Variants in MEP1A observed in about 807,000 individuals in gnomAD.
The protein encoded by MEP1A is meprin A subunit alpha.
MEP1A carries 68 observed loss-of-function variants against 84.5 expected under a neutral mutation model. The observed-to-expected ratio is 0.80, with a 90% confidence interval of 0.66 to 0.98. MEP1A has a LOEUF of 0.98. MEP1A is among the 50% of genes least tolerant of loss of function. The pLI is 0.00. For synonymous variants in MEP1A, 337 were observed against 336.8 expected, an observed-to-expected ratio of 1.00 and a Z score of -0.01; for missense variants, 887 against 919.9, an observed-to-expected ratio of 0.96 and a Z score of 0.46.
chr6:46,830,844 A>G (rs1201767681), intron 10 of MEP1A, among the ~76,000 whole-genome samples: 3 of 152,202 alleles, frequency 2.0e-5, no homozygotes, highest in South Asian at 2.1e-4. Flanking sequence ...TATAGTTTAT[A>G]TGATAAAAGG....
the MEP1A span, among the ~76,000 whole-genome samples, chr6:46,844,800 G>T: frequency 2.0e-5 from 3 of 152,140 alleles, no homozygotes; most frequent in Admixed American, 2.0e-4. Context: ...AGGTAGATGG[G>T]TGATATGGTT....
Position 46,826,465 on chromosome 6 carries a change from C to G in MEP1A, c.890C>G (p.Ala297Gly). ...TDWAHQDSAQ[A>G]GEVDHTLLGQ... is the part of the protein sequence containing the mutation. ...TGGGCCCATCAGGACAGTGCTCAGG[C>G]TGGAGAAGTGGATCACACCTTGTTG... The change falls in exon 9 of 14, where the codon GCT (alanine) becomes GGT (glycine). Residue 297 changes from alanine to glycine, a missense_variant. Physicochemically the swap from Ala to Gly is moderately conservative, Grantham distance 60. Coordinates refer to ENST00000230588, the MANE Select transcript of MEP1A (RefSeq NM_005588.3). 2 of 1,598,854 alleles carry G rather than the reference C, an allele frequency of 1.3e-6. No homozygotes were observed. The highest frequency in any genetic ancestry group is 8.5e-7 in the Non-Finnish European group (1 of 1,172,532).
At chr6:46,811,999 G>A (rs1767512732) in intron 6 of MEP1A, among the ~76,000 whole-genome samples, 2 of 152,074 alleles carry the variant, frequency 1.3e-5, no homozygotes, top group African/African-American at 2.4e-5. Flanking sequence ...ATGATTTAGG[G>A]AGGATTCCCT....
intron 6 of MEP1A, among the ~76,000 whole-genome samples, chr6:46,812,702 C>T (rs1767534388): frequency 1.3e-5 from 2 of 151,828 alleles, no homozygotes; most frequent in Admixed American, 6.6e-5. Context: ...TTTTTAATTT[C>T]CATCTTGATT....
At chr6:46,794,308 T>C (rs1017931895) in intron 3 of MEP1A, among the ~76,000 whole-genome samples, 4 of 152,262 alleles carry the variant, frequency 2.6e-5, no homozygotes, top group Non-Finnish European at 5.9e-5. Flanking sequence ...GCATTCCCAG[T>C]GTCTTAGGTC....
At chr6:46,842,905 G>T (rs1422914236), downstream of MEP1A, among the ~76,000 whole-genome samples, 1 of 152,126 alleles carries the variant, frequency 6.6e-6, no homozygotes, top group Non-Finnish European at 1.5e-5. Context: ...AACCTACGTT[G>T]AAATATTGGG....
intron 5 of MEP1A, among the ~76,000 whole-genome samples, chr6:46,808,284 G>A (rs1306893482): frequency 6.6e-6 from 1 of 151,962 alleles, no homozygotes; most frequent in East Asian, 1.9e-4. Context: ...ATTGTTATCT[G>A]TGTAGTTTCC....
intron 13 of MEP1A, among the ~76,000 whole-genome samples, chr6:46,838,719 T>C (rs1768272413): frequency 6.6e-6 from 1 of 152,240 alleles, no homozygotes. Context: ...AAACACTTAC[T>C]AACAATGTGA....
chr6:46,829,556 G>GT lies in MEP1A; in HGVS notation c.1130dup (p.Gln378AlafsTer7), dbSNP rs1251370871. On this transcript the variant is annotated frameshift_variant, in exon 10 of 14. Transcript: ENST00000230588. LOFTEE classifies it high-confidence loss of function. ...AGGCAATGTTCGCAAGTTGGTGAAG[G>GT]TGCAGACTTTTCAAGGTACTTAGAG... 6.2e-7 allele frequency: 1 copy of GT among 1,613,968 alleles called. No individual in the cohort carries two copies. Among genetic ancestry groups the GT allele is most frequent in the Non-Finnish European group, 8.5e-7 (1 of 1,179,856 alleles).
At chr6:46,822,672 T>C (rs1767808609) in intron 7 of MEP1A, among the ~76,000 whole-genome samples, 1 of 152,084 alleles carries the variant, frequency 6.6e-6, no homozygotes, top group African/African-American at 2.4e-5. Context: ...GCCTCCTGAA[T>C]AGCTGGGATG....
At chr6:46,832,919 T>C (rs1452481823) in intron 10 of MEP1A, among the ~76,000 whole-genome samples, 155 bp from the exon 11 acceptor site, 1 of 152,224 alleles carries the variant, frequency 6.6e-6, no homozygotes, top group Non-Finnish European at 1.5e-5. Context: ...TTGGAAAAGT[T>C]ACTTAACCAG....
chr6:46,816,253 G>A (rs1377966877), intron 6 of MEP1A, among the ~76,000 whole-genome samples: 2 of 152,014 alleles, frequency 1.3e-5, no homozygotes, highest in Admixed American at 6.6e-5. Flanking sequence ...CACCGCGCCC[G>A]GCCTCATTCT....
At chr6:46,816,197 G>C (rs907154699) in intron 6 of MEP1A, among the ~76,000 whole-genome samples, 3 of 151,854 alleles carry the variant, frequency 2.0e-5, no homozygotes, top group African/African-American at 7.3e-5. Context: ...CTCAACCTCC[G>C]AAAGTGCTGG....
intron 12 of MEP1A, 97 bp from the exon 13 acceptor site, chr6:46,835,152 A>C (rs1768185156): frequency 9.4e-7 from 1 of 1,069,480 alleles, no homozygotes; most frequent in African/African-American, 1.6e-5. Context: ...GGGTGATGGG[A>C]GATAGAAGCA....
At chr6:46,845,375 A>G in the MEP1A span, among the ~76,000 whole-genome samples, 1 of 152,252 alleles carries the variant, frequency 6.6e-6, no homozygotes, top group Non-Finnish European at 1.5e-5. Flanking sequence ...GTTAAAAAAT[A>G]GAAAGTATCT....
intron 6 of MEP1A, among the ~76,000 whole-genome samples, chr6:46,813,232 C>T (rs1013931901): frequency 6.6e-6 from 1 of 152,080 alleles, no homozygotes; most frequent in Non-Finnish European, 1.5e-5. Flanking sequence ...TGTGAGGCCT[C>T]AAAACCATGC....
chr6:46,799,146 C>T lies in MEP1A; in HGVS notation c.227C>T (p.Thr76Met), dbSNP rs138172966. 21 of 1,612,822 alleles carry T rather than the reference C, an allele frequency of 1.3e-5. No individual in the cohort carries two copies. The highest frequency in any genetic ancestry group is 5.9e-6 in the Non-Finnish European group (7 of 1,178,958). ...CTGAGAGACCCAAACACCAGGTGGA[C>T]GTTCCCCATTCCTTACATCTTGGCT... is the stretch of plus-strand genomic sequence containing the variant. Reference protein sequence around the residue: ...NGLRDPNTRWTFPIPYILADN... With the variant: ...NGLRDPNTRWMFPIPYILADN... Residue 76 changes from threonine (T) to methionine (M), a missense_variant, in exon 5 of 14, where the codon ACG becomes ATG. Thr to Met is a moderately conservative substitution (Grantham distance 81, BLOSUM62 -1). Coordinates refer to ENST00000230588, the MANE Select transcript of MEP1A (RefSeq NM_005588.3).
intron 9 of MEP1A, among the ~76,000 whole-genome samples, chr6:46,828,397 C>T (rs961764622): frequency 6.6e-6 from 1 of 151,682 alleles, no homozygotes; most frequent in African/African-American, 2.4e-5. Flanking sequence ...CTTATTTAAA[C>T]CATCATTGCT....
intron 7 of MEP1A, among the ~76,000 whole-genome samples, chr6:46,824,418 ATAT>A (rs1189123123): frequency 6.8e-6 from 1 of 146,726 alleles, no homozygotes; most frequent in African/African-American, 2.5e-5. Flanking sequence ...GTATATTAAT[ATAT>A]TAACTAATAT....
Sources: gnomAD v4.1 joint callset for allele counts (sites outside exome capture counted in the v4.1 genomes callset) on GRCh38, gnomAD v4.1.1 for gene constraint, MANE v1.5 for transcripts, NCBI Gene and HGNC (gene_info 2026-07-23, HGNC 2026-07-21) for gene names.